NUP160: variants seen among roughly 807,000 people sequenced by gnomAD.
NUP160 encodes nucleoporin 160, also known as nuclear pore complex protein Nup160.
In NUP160, 94 loss-of-function variants were observed where a neutral mutation model predicts 196.9. The observed-to-expected ratio is 0.48, with a 90% CI of 0.40 to 0.57. The LOEUF is 0.57. Among genes scored for constraint, NUP160 ranks in the 20% least tolerant of loss-of-function variants. The pLI, the probability that NUP160 is intolerant of heterozygous loss-of-function variation, is 0.00. For missense variants in NUP160, 1,638 were observed against 1,748.3 expected (o/e 0.94, Z 1.13); for synonymous variants, 605 against 619.7 (o/e 0.98, Z 0.35).
chr11:47,812,115 G>C (rs771072421), exon 17 of NUP160: 2 of 1,614,114 alleles, frequency 1.2e-6, no homozygotes, highest in East Asian at 4.5e-5. Flanking sequence ...GATCTCTGCA[G>C]ATCAGGAAAC....
At chr11:47,794,251 T>TG (rs1234651014) in intron 27 of NUP160, among the ~76,000 whole-genome samples, 1 of 152,184 alleles carries the variant, frequency 6.6e-6, no homozygotes, top group Non-Finnish European at 1.5e-5. Context: ...TCCAGCACTC[T>TG]GGGAGGCCAA....
intron 7 of NUP160, among the ~76,000 whole-genome samples, chr11:47,832,184 G>A (rs1852090860): frequency 1.3e-5 from 2 of 151,916 alleles, no homozygotes; most frequent in Admixed American, 6.6e-5. Context: ...ACAGGCGTGA[G>A]CCACTGTGCT....
intron 34 of NUP160, among the ~76,000 whole-genome samples, chr11:47,782,541 C>T (rs1011976932): frequency 6.6e-6 from 1 of 151,164 alleles, no homozygotes; most frequent in Non-Finnish European, 1.5e-5. Context: ...TGGGCAAAAT[C>T]ATCTAACAGA....
intron 12 of NUP160, 51 bp downstream of exon 12, chr11:47,815,895 C>T (rs578006440): frequency 5.1e-6 from 7 of 1,372,366 alleles, no homozygotes; most frequent in African/African-American, 2.9e-5. Context: ...TACCAATCTG[C>T]CCTATATCAA....
intron 27 of NUP160, among the ~76,000 whole-genome samples, chr11:47,795,792 C>T (rs375120592): frequency 2.0e-5 from 3 of 152,038 alleles, no homozygotes; most frequent in Non-Finnish European, 4.4e-5. Flanking sequence ...CTAAAGACAT[C>T]GCACAACTAA....
At chr11:47,783,082 G>A (rs1057437338) in exon 34 of NUP160, 11 of 1,612,490 alleles carry the variant, frequency 6.8e-6, no homozygotes, top group Admixed American at 3.3e-5. Flanking sequence ...CCTCAATTCC[G>A]AAGTATTGAT....
chr11:47,848,340 C>A (rs1852446085), exon 1 of NUP160: 1 of 1,613,666 alleles, frequency 6.2e-7, no homozygotes, highest in African/African-American at 1.3e-5. Context: ...CGCCGCGACG[C>A]CCAACGGAAC....
intron 4 of NUP160, chr11:47,839,612 G>A: frequency 2.0e-6 from 1 of 511,842 alleles, no homozygotes; most frequent in South Asian, 2.7e-5. Flanking sequence ...ACAAGATTTA[G>A]AATAGGCTGT....
intron 2 of NUP160, among the ~76,000 whole-genome samples, chr11:47,846,546 C>A (rs750776928): frequency 9.9e-5 from 15 of 152,180 alleles, no homozygotes; most frequent in Non-Finnish European, 1.6e-4. Context: ...CCATCCCTTA[C>A]CCCATATTCA....
chr11:47,841,924 A>AGCCTCCCAAAGTGCTACCTGCCTCG (rs1053819193), intron 2 of NUP160, among the ~76,000 whole-genome samples: 11 of 151,682 alleles, frequency 7.3e-5, no homozygotes, highest in African/African-American at 1.9e-4. Context: ...CCTGGCCTCA[A>AGCCTCCCAAAGTGCTACCTGCCTCG]GCCTCCCAAA....
intron 4 of NUP160, 75 bp downstream of exon 4, chr11:47,839,768 G>A: frequency 8.1e-7 from 1 of 1,232,610 alleles, no homozygotes; most frequent in South Asian, 1.2e-5. Context: ...CCCTGCATTG[G>A]ATGACGAGGT....
Position 47,786,460 on chromosome 11 carries a change from C to T in NUP160, c.3841G>A (p.Glu1281Lys), listed in dbSNP as rs771291784. 28 of 1,610,644 alleles carry T rather than the reference C, an allele frequency of 1.7e-5. No individual in the cohort carries two copies. The highest frequency in any genetic ancestry group is 2.4e-5 in the Non-Finnish European group (28 of 1,176,950). Residue 1281 changes from glutamate (E) to lysine (K), a missense_variant, in exon 32 of 36, where the codon GAG becomes AAG. Coordinates refer to ENST00000378460, the Ensembl canonical transcript of NUP160. ...TGAACACCAGGGTTGTACCTAGACTCCTTAGTAGTGATGACAGATGAGAGC... is the reference window on the plus strand; with the variant it reads ...TGAACACCAGGGTTGTACCTAGACTTCTTAGTAGTGATGACAGATGAGAGC...
intron 35 of NUP160, among the ~76,000 whole-genome samples, chr11:47,780,031 A>G (rs555862233): frequency 6.6e-6 from 1 of 152,190 alleles, no homozygotes; most frequent in Non-Finnish European, 1.5e-5. Flanking sequence ...CGCCCGGCCT[A>G]TCATTGCTGT....
At chr11:47,779,467 A>T in intron 35 of NUP160, 1 of 490,374 alleles carries the variant, frequency 2.0e-6, no homozygotes, top group African/African-American at 2.0e-5. Context: ...AGGATCACTA[A>T]CTCTTTTCTC....
upstream of NUP160, chr11:47,848,509 G>A (rs111323744): frequency 3.8e-6 from 4 of 1,054,014 alleles, no homozygotes; most frequent in Admixed American, 2.8e-5. Flanking sequence ...AGAAGAGAAG[G>A]GGGCAGGGGA....
In NUP160 at chr11:47,839,773, C is replaced by T. The variant is rs999692396; in HGVS notation, c.748+70G>A. The T allele has an allele frequency of 3.8e-5, 48 of 1,275,000 alleles. No individual in the cohort carries two copies. The Middle Eastern group carries it at 1.1e-3, about 29-fold the overall frequency. 79.0% of individuals were successfully genotyped at this position (1,275,000 alleles called of 1,614,324 possible). ...GAGATGCAATCCCTGCATTGGATGACGAGGTTGAACTGTTTCAATGTTAAC... is the reference window on the plus strand; with the variant it reads ...GAGATGCAATCCCTGCATTGGATGATGAGGTTGAACTGTTTCAATGTTAAC... On this transcript the variant is annotated intron_variant, in intron 4 of 35. Transcript: ENST00000378460.
intron 2 of NUP160, chr11:47,841,587 G>GA (rs1456942876): frequency 7.0e-6 from 3 of 426,384 alleles, no homozygotes; most frequent in Non-Finnish European, 1.4e-5. Context: ...GTTTGCCACC[G>GA]AAGACAGCCA....
intron 7 of NUP160, among the ~76,000 whole-genome samples, chr11:47,831,842 C>CAAAAAAAAAAAAAAAAAAAAAAAA (rs372159602): frequency 1.5e-5 from 1 of 66,666 alleles, no homozygotes; most frequent in African/African-American, 7.1e-5. Context: ...GACTCTCTCT[C>CAAAAAAAAAAAAAAAAAAAAAAAA]AAAAAAAAAA....
chr11:47,824,705 C>T (rs971220173), intron 7 of NUP160, among the ~76,000 whole-genome samples: 3 of 152,078 alleles, frequency 2.0e-5, no homozygotes, highest in Non-Finnish European at 2.9e-5. Flanking sequence ...GTGACATGAT[C>T]GTAGCTCAAC....
Sources: allele counts gnomAD v4.1 joint callset (sites outside exome capture counted in the v4.1 genomes callset), GRCh38; gene constraint gnomAD v4.1.1; transcripts MANE v1.5; gene names NCBI Gene and HGNC (gene_info 2026-07-23, HGNC 2026-07-21).